FABP7: variants seen among roughly 807,000 people sequenced by gnomAD.
The protein encoded by FABP7 is fatty acid-binding protein, brain.
FABP7 carries 13 observed loss-of-function variants against 14.2 expected under a neutral mutation model. The ratio of observed to expected loss-of-function variants is 0.91; its 90% CI spans 0.59 to 1.45. FABP7 has a LOEUF of 1.45. Ranked by LOEUF, FABP7 falls within the 40% of genes most tolerant of loss-of-function variation. FABP7 has a pLI of 0.00. For missense variants in FABP7, 149 were observed against 157.6 expected (o/e 0.95, Z 0.29); for synonymous variants, 49 against 51.4 (o/e 0.95, Z 0.20).
intron 3 of FABP7, chr6:122,781,892 C>A: frequency 2.6e-6 from 1 of 388,354 alleles, no homozygotes; most frequent in Non-Finnish European, 3.5e-6. Context: ...CAGGTGCAAG[C>A]CACCAACGCC....
At chr6:122,774,448 T>C in the FABP7 span, among the ~76,000 whole-genome samples, 1 of 150,960 alleles carries the variant, frequency 6.6e-6, no homozygotes, top group African/African-American at 2.4e-5. Flanking sequence ...GTTAAATCCT[T>C]AGCACAACAC....
chr6:122,751,855 G>A, the FABP7 span, among the ~76,000 whole-genome samples: 1 of 152,096 alleles, frequency 6.6e-6, no homozygotes, highest in Non-Finnish European at 1.5e-5. Context: ...AGGCTCTCTT[G>A]CTTCCTCCCC....
chr6:122,773,387 T>G, the FABP7 span, among the ~76,000 whole-genome samples: 1 of 152,186 alleles, frequency 6.6e-6, no homozygotes. Context: ...CCCACTGCAC[T>G]CTTCTGGAGC....
At chr6:122,752,836 T>C in the FABP7 span, among the ~76,000 whole-genome samples, 6 of 152,188 alleles carry the variant, frequency 3.9e-5, no homozygotes, top group Non-Finnish European at 5.9e-5. Flanking sequence ...TTGCCTAGTC[T>C]TTTGCCATCA....
At chr6:122,780,905 CT>C (rs1308491980) in intron 2 of FABP7, among the ~76,000 whole-genome samples, 187 bp from the exon 3 acceptor site, 1 of 152,014 alleles carries the variant, frequency 6.6e-6, no homozygotes, top group Non-Finnish European at 1.5e-5. Context: ...TAGATGTATA[CT>C]TTTTAATCAA....
At chr6:122,763,239 T>C in the FABP7 span, among the ~76,000 whole-genome samples, 5 of 152,076 alleles carry the variant, frequency 3.3e-5, no homozygotes, top group African/African-American at 1.2e-4. Flanking sequence ...ATTCCACACA[T>C]CTACAACCAT....
At chr6:122,751,431 C>T in the FABP7 span, among the ~76,000 whole-genome samples, 3 of 152,170 alleles carry the variant, frequency 2.0e-5, no homozygotes, top group Non-Finnish European at 2.9e-5. Context: ...GCATCTTGTC[C>T]TCAATTTTCA....
the FABP7 span, among the ~76,000 whole-genome samples, chr6:122,769,417 A>AT: frequency 6.6e-6 from 1 of 152,248 alleles, no homozygotes; most frequent in South Asian, 2.1e-4. Context: ...ATTAAATCCT[A>AT]TTGTAAGCTC....
upstream of FABP7, among the ~76,000 whole-genome samples, chr6:122,774,890 A>C (rs1780645316): frequency 6.6e-6 from 1 of 152,160 alleles, no homozygotes. Flanking sequence ...AAAGATATCA[A>C]GAAGGCAATC....
the FABP7 span, among the ~76,000 whole-genome samples, chr6:122,767,769 A>G: frequency 6.6e-5 from 10 of 150,774 alleles, no homozygotes; most frequent in South Asian, 2.1e-4. Flanking sequence ...AAAAAAAAAA[A>G]AAGAAGAGAG....
the FABP7 span, among the ~76,000 whole-genome samples, chr6:122,757,011 A>C: frequency 2.3e-4 from 35 of 152,304 alleles, no homozygotes; most frequent in African/African-American, 6.7e-4. Flanking sequence ...ACATTCACTC[A>C]TGGGAAACTA....
At chr6:122,779,380 A>T (rs993482649), upstream of FABP7, 5 of 173,588 alleles carry the variant, frequency 2.9e-5, no homozygotes, top group Admixed American at 1.7e-4. Context: ...TTGCAGTCTG[A>T]GATTGCCTTT....
At chr6:122,779,576 T>G (rs1780728179), upstream of FABP7, 1 of 579,898 alleles carries the variant, frequency 1.7e-6, no homozygotes, top group Admixed American at 3.0e-5. Context: ...GGAGCCTCAC[T>G]CGAGCGCTCC....
the FABP7 span, among the ~76,000 whole-genome samples, chr6:122,756,594 C>G: frequency 6.6e-6 from 1 of 152,184 alleles, no homozygotes; most frequent in East Asian, 1.9e-4. Context: ...TCAATCCTCT[C>G]TATCTAACTA....
the FABP7 span, among the ~76,000 whole-genome samples, chr6:122,754,787 A>AT: frequency 6.6e-6 from 1 of 151,852 alleles, no homozygotes; most frequent in Non-Finnish European, 1.5e-5. Context: ...TGAAAATTGA[A>AT]TTACCTGGCT....
the FABP7 span, among the ~76,000 whole-genome samples, chr6:122,750,115 A>G: frequency 6.6e-6 from 1 of 152,216 alleles, no homozygotes; most frequent in Non-Finnish European, 1.5e-5. Context: ...AAAACCTTAA[A>G]TATTCAATTT....
chr6:122,776,149 A>G (rs1780669236), upstream of FABP7, among the ~76,000 whole-genome samples: 1 of 152,158 alleles, frequency 6.6e-6, no homozygotes, highest in African/African-American at 2.4e-5. Flanking sequence ...GAACTACCAT[A>G]TGATGCAATA....
intron 3 of FABP7, 188 bp from the exon 4 acceptor site, chr6:122,783,529 C>T (rs1213818065): frequency 1.0e-6 from 1 of 985,232 alleles, no homozygotes. Context: ...GCTTCATTCT[C>T]ATTTCAGAGA....
intron 3 of FABP7, chr6:122,782,183 A>G: frequency 1.0e-6 from 1 of 982,318 alleles, no homozygotes; most frequent in Non-Finnish European, 1.2e-6. Flanking sequence ...CTTCTTACTT[A>G]CTAGGAATTA....
Sources: allele counts gnomAD v4.1 joint callset (sites outside exome capture counted in the v4.1 genomes callset), GRCh38; gene constraint gnomAD v4.1.1; transcripts MANE v1.5; gene names NCBI Gene and HGNC (gene_info 2026-07-23, HGNC 2026-07-21).